The following TCERG1L variants were observed in gnomAD, a reference collection of about 807,000 sequenced individuals.
TCERG1L encodes the protein transcription elongation regulator 1-like protein.
Under a neutral mutation model 56.3 loss-of-function variants are expected in TCERG1L, and 37 were observed. That is an observed-to-expected ratio of 0.66 (90% confidence interval 0.51 to 0.87). TCERG1L has a LOEUF of 0.87. TCERG1L is among the 40% of genes least tolerant of loss of function. The pLI is 0.00. For synonymous variants in TCERG1L, 324 were observed against 326.3 expected (o/e 0.99, Z 0.08); for missense variants, 799 against 774.2 (o/e 1.03, Z -0.38).
intron 4 of TCERG1L, among the ~76,000 whole-genome samples, chr10:131,170,363 G>A (rs992647060): frequency 3.3e-5 from 5 of 152,124 alleles, no homozygotes; most frequent in Admixed American, 1.3e-4. Context: ...GACAGAACTA[G>A]TTTATGGAGG....
At position 131,203,203 on chromosome 10, in the gene TCERG1L, G is replaced by C. The variant is rs546342165; in HGVS notation, c.857-36318C>G. ...TGCGTATACCTGTCTTCAGCCCTCC[G>C]AGCTGCGCTCTCTGGGTTACAGAGC... On this transcript the variant is annotated intron_variant, in intron 4 of 11. Transcript: ENST00000368642. Among the ~76,000 whole-genome samples, 8 of 152,018 alleles carry C rather than the reference G, an allele frequency of 5.3e-5. No homozygotes were observed. The South Asian group carries it at 1.7e-3, about 32-fold the overall frequency.
intron 6 of TCERG1L, among the ~76,000 whole-genome samples, chr10:131,148,864 T>C (rs1301158972): frequency 6.6e-6 from 1 of 152,234 alleles, no homozygotes; most frequent in African/African-American, 2.4e-5. Flanking sequence ...GCTGGAGCCC[T>C]GAGTCTGTGG....
chr10:131,248,475 C>T (rs760866361), intron 4 of TCERG1L, among the ~76,000 whole-genome samples: 1 of 152,132 alleles, frequency 6.6e-6, no homozygotes, highest in African/African-American at 2.4e-5. Flanking sequence ...CTCCTTGGCT[C>T]GGAGGGCCAC....
chr10:131,109,057 GCACA>G (rs1845384093), intron 9 of TCERG1L, among the ~76,000 whole-genome samples: 4 of 151,256 alleles, frequency 2.6e-5, no homozygotes, highest in Non-Finnish European at 5.9e-5. Context: ...CCCAGGATGA[GCACA>G]GTGTTGTGGG....
chr10:131,223,492 G>A (rs1010735225), intron 4 of TCERG1L, among the ~76,000 whole-genome samples: 35 of 152,090 alleles, frequency 2.3e-4, no homozygotes, highest in African/African-American at 7.5e-4. Context: ...TATATCTGCC[G>A]TTTCTATTTG....
intron 7 of TCERG1L, among the ~76,000 whole-genome samples, chr10:131,139,346 C>T (rs1416989600): frequency 6.6e-6 from 1 of 152,200 alleles, no homozygotes; most frequent in East Asian, 1.9e-4. Flanking sequence ...AAGCACATGA[C>T]CCAGATGTCC....
intron 3 of TCERG1L, among the ~76,000 whole-genome samples, chr10:131,305,309 G>A (rs1846809016): frequency 6.6e-6 from 1 of 152,106 alleles, no homozygotes; most frequent in Non-Finnish European, 1.5e-5. Context: ...TGAGTGCAGT[G>A]TATATAAAAA....
intron 6 of TCERG1L, among the ~76,000 whole-genome samples, chr10:131,147,079 T>G (rs1435319137): frequency 2.0e-5 from 3 of 152,090 alleles, no homozygotes. Context: ...CTTCCCCAGT[T>G]GAGCTCTGCA....
rs1435107915 is a variant in TCERG1L, at chr10:131,308,408, C to A, written c.490-17G>T. On this transcript the variant is annotated splice_polypyrimidine_tract_variant and intron_variant, in intron 2 of 11. Coordinates refer to ENST00000368642, the MANE Select transcript of TCERG1L (RefSeq NM_174937.4). ...AAAAAAGATCTGTCGAAAAATAATG[C>A]AAGCATAACACTGAAGGCAAGGTGC... 1 of 1,609,188 alleles carries A rather than the reference C, an allele frequency of 6.2e-7. No individual in the cohort carries two copies. The highest frequency in any genetic ancestry group is 1.1e-5 in the South Asian group (1 of 90,578).
chr10:131,260,116 C>G lies in TCERG1L; in HGVS notation c.856+143G>C. On this transcript the variant is annotated intron_variant, in intron 4 of 11. Transcript: ENST00000368642. This position sits in a 1 kb window ranked among gnomAD's most constrained non-coding sequence, Gnocchi z 5.8. ...GGTCCGAAGTCAAGCAAAGCCCAAA[C>G]GGCCCCAGCCGAATGTTTCCCTCAA... is the stretch of plus-strand genomic sequence containing the variant. 1.6e-6 allele frequency: 2 copies of G among 1,228,912 alleles called. No individual in the cohort carries two copies. Among genetic ancestry groups the G allele is most frequent in the Non-Finnish European group, 2.0e-6 (2 of 984,958 alleles). 76.1% of individuals were successfully genotyped at this position (1,228,912 alleles called of 1,614,324 possible).
intron 4 of TCERG1L, among the ~76,000 whole-genome samples, chr10:131,247,993 G>A (rs1410059030): frequency 2.3e-5 from 3 of 128,976 alleles, no homozygotes; most frequent in Admixed American, 1.6e-4. Context: ...TGACTCAGGT[G>A]CACATACACA....
intron 4 of TCERG1L, among the ~76,000 whole-genome samples, chr10:131,211,293 A>G (rs1397474654): frequency 1.3e-5 from 2 of 152,226 alleles, no homozygotes; most frequent in African/African-American, 2.4e-5. Context: ...AGATGAGGCT[A>G]GAACCGGATC....
chr10:131,262,549 A>T (rs1051858942), intron 3 of TCERG1L, among the ~76,000 whole-genome samples: 6 of 152,232 alleles, frequency 3.9e-5, no homozygotes, highest in Admixed American at 6.5e-5. Context: ...ATGGGTAGAA[A>T]GTAGAGAGAG....
At chr10:131,199,835 A>G (rs915109015) in intron 4 of TCERG1L, among the ~76,000 whole-genome samples, 6 of 152,016 alleles carry the variant, frequency 3.9e-5, no homozygotes, top group African/African-American at 1.5e-4. Flanking sequence ...TGTAGCAGCC[A>G]CCCCTCGTTC....
chr10:131,279,966 A>G (rs1010336071), intron 3 of TCERG1L, among the ~76,000 whole-genome samples: 29 of 152,162 alleles, frequency 1.9e-4, no homozygotes, highest in African/African-American at 7.0e-4. Context: ...GACCCAGCAG[A>G]GCCAGCCTAC....
intron 11 of TCERG1L, among the ~76,000 whole-genome samples, chr10:131,097,641 C>A (rs1341519597): frequency 6.6e-6 from 1 of 152,210 alleles, no homozygotes; most frequent in Non-Finnish European, 1.5e-5. Flanking sequence ...GCCACCGCGC[C>A]CGGCCCATGT....
intron 4 of TCERG1L, among the ~76,000 whole-genome samples, chr10:131,176,272 A>C (rs1438732995): frequency 6.6e-6 from 1 of 151,930 alleles, no homozygotes; most frequent in Non-Finnish European, 1.5e-5. Flanking sequence ...ACACACAGAC[A>C]CGTGTACACA....
rs1230512158 is a variant in TCERG1L at position 131,267,449 on chromosome 10, G to A, written c.671-7005C>T. ...CCTGGGTGGCTGCAACTGAGCCTCG[G>A]CAGCTCCCACACTGCCAACTTGAGG... is the stretch of plus-strand genomic sequence containing the variant. On this transcript the variant is annotated intron_variant, in intron 3 of 11. Coordinates refer to ENST00000368642, the MANE Select transcript of TCERG1L (RefSeq NM_174937.4). The surrounding 1 kb of genome is among the most constrained non-coding windows in gnomAD (Gnocchi z 4.9). Among the ~76,000 whole-genome samples the A allele has an allele frequency of 6.6e-6, 1 of 152,218 alleles. No individual in the cohort carries two copies. Among genetic ancestry groups the A allele is most frequent in the African/African-American group, 2.4e-5 (1 of 41,466 alleles).
At chr10:131,106,301 G>A (rs1421215638) in intron 9 of TCERG1L, among the ~76,000 whole-genome samples, 1 of 152,238 alleles carries the variant, frequency 6.6e-6, no homozygotes, top group Non-Finnish European at 1.5e-5. Context: ...AGACTCTTGA[G>A]ATGGCACTAG....
Sources: gnomAD v4.1 joint callset for allele counts (sites outside exome capture counted in the v4.1 genomes callset) on GRCh38, gnomAD v4.1.1 for gene constraint, Gnocchi (gnomAD v3.1) non-coding constraint, MANE v1.5 for transcripts, NCBI Gene and HGNC (gene_info 2026-07-23, HGNC 2026-07-21) for gene names.